KCNK12: variants seen among roughly 807,000 people sequenced by gnomAD.
KCNK12 encodes potassium channel subfamily K member 12.
KCNK12 carries 6 observed loss-of-function variants against 25.3 expected under a neutral mutation model. That is an observed-to-expected ratio of 0.24 (90% CI 0.13 to 0.47). The LOEUF (loss-of-function observed/expected upper bound fraction) is 0.47, where lower values mean the gene tolerates loss of function less well. Ranked by LOEUF, KCNK12 falls within the 20% of genes least tolerant of loss-of-function variation. The pLI is 0.99. For synonymous variants in KCNK12, 331 were observed against 311.1 expected (o/e 1.06, Z -0.67); for missense variants, 444 against 661.7 (o/e 0.67, Z 3.61).
Position 47,570,003 on chromosome 2 carries a change from A to G in KCNK12, c.329T>C (p.Leu110Pro). The G allele has an allele frequency of 7.0e-7, 1 of 1,435,090 alleles. No individual in the cohort carries two copies. Among genetic ancestry groups the G allele is most frequent in the Non-Finnish European group, 9.1e-7 (1 of 1,093,638 alleles). 88.9% of individuals were successfully genotyped at this position (1,435,090 alleles called of 1,614,324 possible). ...GCCGGGGAAGTCCCAGCGCGGGCGC[A>G]GCGCGTCGGCGCGGACGCCGGCGGC... ...ALAAGVRADALRPRWDFPGAF... is the reference protein window; with the variant it reads ...ALAAGVRADAPRPRWDFPGAF... Residue 110 changes from leucine (L) to proline (P), a missense_variant, in exon 1 of 2, where the codon CTG (leucine) becomes CCG (proline). Physicochemically the swap from Leu to Pro is moderately conservative, Grantham distance 98. This residue lies in a region of KCNK12 where 106 missense variants were observed against 142.2 expected (regional missense o/e 0.75). Coordinates refer to ENST00000327876, the MANE Select transcript of KCNK12 (RefSeq NM_022055.2).
rs78057127 is a variant in KCNK12 at position 47,524,076 on chromosome 2, G to A, written c.392-2268C>T. On this transcript the variant is annotated intron_variant, in intron 1 of 1. Coordinates refer to ENST00000327876, the MANE Select transcript of KCNK12 (RefSeq NM_022055.2). ...TCTTACGCTTAATGACTCAGGTGAG[G>A]GGAAAATCTTATGATGTTACCCATG... Among the ~76,000 whole-genome samples the A allele has an allele frequency of 8.6e-3, 1,304 of 152,180 alleles. 25 individuals carry two copies. The highest frequency in any genetic ancestry group is 0.055 in the East Asian group (286 of 5,178).
At chr2:47,543,145 C>A (rs1386062825) in intron 1 of KCNK12, among the ~76,000 whole-genome samples, 1 of 152,080 alleles carries the variant, frequency 6.6e-6, no homozygotes, top group Non-Finnish European at 1.5e-5. Flanking sequence ...GCAGATGTAT[C>A]AACGTAGCTG....
Position 47,516,222 on chromosome 2 carries a change from C to T in KCNK12, c.*4685G>A, listed in dbSNP as rs1487477579. Reference sequence around the variant, plus strand: ...GTCCATGACTGCCCATTAGAATCCCCCCAAAAAATTCCAGGACTGGCCTGA... The same window carrying T: ...GTCCATGACTGCCCATTAGAATCCCTCCAAAAAATTCCAGGACTGGCCTGA... On this transcript the variant is annotated 3_prime_UTR_variant, in exon 2 of 2. Coordinates refer to ENST00000327876, the MANE Select transcript of KCNK12 (RefSeq NM_022055.2). Among the ~76,000 whole-genome samples, 1 of 152,162 alleles carries T rather than the reference C, an allele frequency of 6.6e-6. No individual in the cohort carries two copies. The highest frequency in any genetic ancestry group is 6.5e-5 in the Admixed American group (1 of 15,282).
At chr2:47,537,877 C>T (rs778972062) in intron 1 of KCNK12, among the ~76,000 whole-genome samples, 1 of 152,126 alleles carries the variant, frequency 6.6e-6, no homozygotes, top group Non-Finnish European at 1.5e-5. Context: ...TGGGAGGGTG[C>T]CCCAGAGCAG....
At chr2:47,563,372 TTGTG>T (rs1669723414) in intron 1 of KCNK12, 2 of 233,332 alleles carry the variant, frequency 8.6e-6, no homozygotes, top group Non-Finnish European at 1.7e-5. Flanking sequence ...TGTGTGCTGT[TTGTG>T]TGAGAATTAT....
rs913574624 is a variant in KCNK12, at chr2:47,533,251, T to C, written c.392-11443A>G. On this transcript the variant is annotated intron_variant, in intron 1 of 1. Transcript: ENST00000327876. This position sits in a 1 kb window ranked among gnomAD's most constrained non-coding sequence, Gnocchi z 4.7. ...GTCTCCAACTCCTGACCTCAGGTGA[T>C]CTGCCCACCTTGGCCTCCCAAAGTG... Among the ~76,000 whole-genome samples, 1 of 150,510 alleles carries C rather than the reference T, an allele frequency of 6.6e-6. No individual in the cohort carries two copies. The highest frequency in any genetic ancestry group is 1.5e-5 in the Non-Finnish European group (1 of 67,686).
At chr2:47,539,246 A>G (rs968302829) in intron 1 of KCNK12, among the ~76,000 whole-genome samples, 1 of 152,170 alleles carries the variant, frequency 6.6e-6, no homozygotes, top group Non-Finnish European at 1.5e-5. Context: ...CCATTTCTCA[A>G]CCTCATCTCT....
In KCNK12 at chr2:47,570,104, C is replaced by A; in HGVS notation, c.228G>T (p.Leu76=). ...AEARARWGAT[L]RNFSAAHGVA... ...CGCCGTGCGCAGCGCTGAAGTTGCGCAGCGTGGCGCCCCAGCGCGCCCGCG... is the reference window on the plus strand; with the variant it reads ...CGCCGTGCGCAGCGCTGAAGTTGCGAAGCGTGGCGCCCCAGCGCGCCCGCG... The change falls in exon 1 of 2, where the codon CTG becomes CTT. Residue 76 remains leucine, a synonymous_variant. Coordinates refer to ENST00000327876, the MANE Select transcript of KCNK12 (RefSeq NM_022055.2). The A allele has an allele frequency of 1.4e-6, 2 of 1,405,252 alleles. No individual in the cohort carries two copies. The highest frequency in any genetic ancestry group is 3.0e-5 in the South Asian group (2 of 66,440). The allele number at this position is 1,405,252 out of a possible 1,614,324, so 87.0% of individuals were successfully genotyped here.
At position 47,520,916 on chromosome 2, in the gene KCNK12, G is replaced by A; in HGVS notation, c.1284C>T (p.Ala428=). 1 of 1,252,898 alleles carries A rather than the reference G, an allele frequency of 8.0e-7. No homozygotes were observed. The highest frequency in any genetic ancestry group is 1.0e-6 in the Non-Finnish European group (1 of 998,176). 77.6% of individuals were successfully genotyped at this position (1,252,898 alleles called of 1,614,324 possible). The part of the protein sequence containing the change: ...IMNNRLAETS[A]SR ...CGGGCGGACGGGCGGTCTACCTGGA[G>A]GCGCTGGTCTCGGCCAGCCGGTTGT... The change falls in exon 2 of 2, where the codon GCC becomes GCT. Residue 428 remains alanine (A), a synonymous_variant. Coordinates refer to ENST00000327876, the MANE Select transcript of KCNK12 (RefSeq NM_022055.2). The surrounding 1 kb of genome is among the most constrained non-coding windows in gnomAD (Gnocchi z 5.0).
intron 1 of KCNK12, among the ~76,000 whole-genome samples, chr2:47,553,998 C>G (rs1669496481): frequency 6.6e-6 from 1 of 152,158 alleles, no homozygotes; most frequent in Non-Finnish European, 1.5e-5. Flanking sequence ...AAAATATAAG[C>G]CCACATTAAA....
At position 47,521,623 on chromosome 2, in the gene KCNK12, T is replaced by G; in HGVS notation, c.577A>C (p.Thr193Pro). ...GAGAGCGCGGAGCCGCGGCGGAAGG[T>G]GGCGGGCAGCAGGCCGCTGCGGCGC... ...QLRRSGLLPA[T>P]FRRGSALSEA... is the part of the protein sequence containing the mutation. The change falls in exon 2 of 2, where the codon ACC (threonine) becomes CCC (proline). Residue 193 changes from threonine to proline, a missense_variant. Coordinates refer to ENST00000327876, the MANE Select transcript of KCNK12 (RefSeq NM_022055.2). The G allele has an allele frequency of 6.3e-7, 1 of 1,578,518 alleles. No individual in the cohort carries two copies. Among genetic ancestry groups the G allele is most frequent in the Non-Finnish European group, 8.6e-7 (1 of 1,163,594 alleles).
intron 1 of KCNK12, among the ~76,000 whole-genome samples, chr2:47,544,319 A>C (rs185688831): frequency 1.7e-3 from 254 of 152,344 alleles, no homozygotes; most frequent in African/African-American, 6.0e-3. Context: ...CTGTCCCTCC[A>C]GCAAGGCCTC....
rs1279916616 is a variant in KCNK12, at chr2:47,555,451, A to G, written c.391+14490T>C. 6.6e-6 allele frequency among the ~76,000 whole-genome samples: 1 copy of G among 152,232 alleles called. No homozygotes were observed. Among genetic ancestry groups the G allele is most frequent in the Non-Finnish European group, 1.5e-5 (1 of 68,048 alleles). On this transcript the variant is annotated intron_variant, in intron 1 of 1. Transcript: ENST00000327876. The surrounding 1 kb of genome is among the most constrained non-coding windows in gnomAD (Gnocchi z 4.5). Reference sequence around the variant, plus strand: ...AGAGATTTTACAAGATTGAGTCTGCATAACAAACCTTACTAAAACCAAAGC... The same window carrying G: ...AGAGATTTTACAAGATTGAGTCTGCGTAACAAACCTTACTAAAACCAAAGC...
chr2:47,522,544 T>C (rs1668681806), intron 1 of KCNK12, among the ~76,000 whole-genome samples: 1 of 152,234 alleles, frequency 6.6e-6, no homozygotes, highest in Non-Finnish European at 1.5e-5. Context: ...GGTACAATCA[T>C]AGCTCACTGC....
At chr2:47,534,433 C>T (rs1669006444) in intron 1 of KCNK12, among the ~76,000 whole-genome samples, 1 of 14,914 alleles carries the variant, frequency 6.7e-5, no homozygotes, top group Admixed American at 7.8e-4. Flanking sequence ...CGTCTCCAGG[C>T]CCCCCCCACC....
Position 47,512,584 on chromosome 2 carries a change from G to A in KCNK12, c.*8323C>T. ...ATAACTTTCTCTGCCCAGATTCCAG[G>A]ACTTACAGTGAGAAAGCGCCTTCTG... On this transcript the variant is annotated 3_prime_UTR_variant, in exon 2 of 2. Transcript: ENST00000327876. 1.1e-6 allele frequency: 1 copy of A among 877,002 alleles called. No individual in the cohort carries two copies. Among genetic ancestry groups the A allele is most frequent in the Non-Finnish European group, 1.7e-6 (1 of 589,980 alleles). The allele number at this position is 877,002 out of a possible 1,614,324, so 54.3% of individuals were successfully genotyped here.
chr2:47,553,255 T>C (rs1260565355), intron 1 of KCNK12, among the ~76,000 whole-genome samples: 1 of 152,232 alleles, frequency 6.6e-6, no homozygotes, highest in Non-Finnish European at 1.5e-5. Context: ...GCATAGATTA[T>C]GAACCACTTA....
In KCNK12 at chr2:47,514,667, G is replaced by A. The variant is rs1305654455; in HGVS notation, c.*6240C>T. 1.3e-5 allele frequency among the ~76,000 whole-genome samples: 2 copies of A among 151,000 alleles called. No individual in the cohort carries two copies. The highest frequency in any genetic ancestry group is 2.9e-5 in the Non-Finnish European group (2 of 67,842). On this transcript the variant is annotated 3_prime_UTR_variant, in exon 2 of 2. Transcript: ENST00000327876. This position sits in a 1 kb window ranked among gnomAD's most constrained non-coding sequence, Gnocchi z 5.0. ...ACTCTGTCACCAAGGCTGGAGTGCA[G>A]TGGCATGATCATGGCTCAATGAAAC...
Position 47,521,432 on chromosome 2 carries a change from G to A in KCNK12, c.768C>T (p.Thr256=), listed in dbSNP as rs921072486. The A allele has an allele frequency of 1.2e-6, 2 of 1,613,354 alleles. No homozygotes were observed. Among genetic ancestry groups the A allele is most frequent in the African/African-American group, 1.3e-5 (1 of 74,936 alleles). ...SLYFCFVTFS[T]IGFGDLVSSQ... ...TGCTCACCAGGTCCCCGAAGCCGAT[G>A]GTGCTGAAGGTGACGAAGCAGAAGT... is the stretch of plus-strand genomic sequence containing the variant. The change falls in exon 2 of 2, where the codon ACC becomes ACT. Residue 256 remains threonine (T), a synonymous_variant. Coordinates refer to ENST00000327876, the MANE Select transcript of KCNK12 (RefSeq NM_022055.2).
Sources: gnomAD v4.1 joint callset for allele counts (sites outside exome capture counted in the v4.1 genomes callset) on GRCh38, gnomAD v4.1.1 for gene constraint, gnomAD v4.1.1 regional missense constraint, Gnocchi (gnomAD v3.1) non-coding constraint, MANE v1.5 for transcripts, NCBI Gene and HGNC (gene_info 2026-07-23, HGNC 2026-07-21) for gene names.